The following TTLL1 variants were observed in gnomAD, a reference collection of about 807,000 sequenced individuals.
The protein encoded by TTLL1 is TTL family tubulin polyglutamylase complex subunit L1.
A neutral mutation model predicts 47.8 loss-of-function variants in TTLL1; 33 were observed. The ratio of observed to expected loss-of-function variants is 0.69; its 90% confidence interval spans 0.52 to 0.92. The LOEUF is 0.92. Among genes scored for constraint, TTLL1 ranks in the 40% least tolerant of loss-of-function variants. TTLL1 has a pLI of 0.00. For missense variants in TTLL1, 488 were observed against 547.5 expected, an observed-to-expected ratio of 0.89 and a Z score of 1.08; for synonymous variants, 225 against 214.1, an observed-to-expected ratio of 1.05 and a Z score of -0.45.
chr22:43,060,734 T>C (rs1227823944), intron 7 of TTLL1, among the ~76,000 whole-genome samples: 1 of 152,214 alleles, frequency 6.6e-6, no homozygotes, highest in African/African-American at 2.4e-5. Context: ...ACAATGCTTA[T>C]CTTTGAAGGC....
Position 43,039,713 on chromosome 22 carries a change from C to T in TTLL1, c.*63G>A. ...AAAAAGCTCTACAAAAGGGAAATTT[C>T]AAAATAGGGCTTCAGCAGGGGCCCA... On this transcript the variant is annotated 3_prime_UTR_variant, in exon 11 of 11. Transcript: ENST00000266254. 1 of 1,491,430 alleles carries T rather than the reference C, an allele frequency of 6.7e-7. No individual in the cohort carries two copies. The highest frequency in any genetic ancestry group is 9.0e-7 in the Non-Finnish European group (1 of 1,117,146). 92.4% of individuals were successfully genotyped at this position (1,491,430 alleles called of 1,614,324 possible).
intron 8 of TTLL1, 27 bp from the exon 9 acceptor site, chr22:43,051,914 C>A: frequency 5.0e-6 from 8 of 1,609,322 alleles, no homozygotes; most frequent in Non-Finnish European, 6.8e-6. Context: ...CAGTGGGTGA[C>A]ATGGCCAGCA....
chr22:43,053,699 A>C (rs563528921), intron 8 of TTLL1, among the ~76,000 whole-genome samples: 1 of 152,288 alleles, frequency 6.6e-6, no homozygotes, highest in Admixed American at 6.5e-5. Flanking sequence ...AGGTGATGAA[A>C]TATTTGCTAA....
At chr22:43,064,468 G>A (rs868357969) in intron 5 of TTLL1, 144 bp from the exon 6 acceptor site, 22 of 937,532 alleles carry the variant, frequency 2.3e-5, no homozygotes, top group Admixed American at 3.0e-5. Context: ...GCTCACGCCT[G>A]TAATCCCAGC....
intron 4 of TTLL1, among the ~76,000 whole-genome samples, chr22:43,069,087 T>G (rs12170503): frequency 2.6e-5 from 4 of 151,804 alleles, no homozygotes; most frequent in Non-Finnish European, 4.4e-5. Context: ...TTACACAAAG[T>G]CCATGCTGGC....
rs545491714 is a variant in TTLL1 at position 43,054,820 on chromosome 22, G to A, written c.892-2933C>T. On this transcript the variant is annotated intron_variant, in intron 8 of 10. Transcript: ENST00000266254. ...GGCTCACTGCAAGCTCCGCCTCCCGGGTTCACGCCATTCTCCTGCCTCAGC... is the reference window on the plus strand; with the variant it reads ...GGCTCACTGCAAGCTCCGCCTCCCGAGTTCACGCCATTCTCCTGCCTCAGC... Among the ~76,000 whole-genome samples the A allele has an allele frequency of 2.7e-4, 40 of 149,558 alleles. 2 individuals carry two copies. The South Asian group carries it at 6.9e-3, about 26-fold the overall frequency.
chr22:43,072,724 C>T (rs1286577189), intron 3 of TTLL1, among the ~76,000 whole-genome samples: 2 of 152,098 alleles, frequency 1.3e-5, no homozygotes, highest in African/African-American at 2.4e-5. Context: ...TGTCTGCCTC[C>T]ACCTCCCAAA....
rs1379559298 is a variant in TTLL1, at chr22:43,089,352, C to G, written c.-165G>C. On this transcript the variant is annotated 5_prime_UTR_variant, in exon 1 of 11. Coordinates refer to ENST00000266254, the MANE Select transcript of TTLL1 (RefSeq NM_012263.5). ...CTCGAGCCGCGCCCTCGCCCCGCCT[C>G]CAGCCCCTCTCCGGCGCTCGCAGGA... The G allele has an allele frequency of 6.6e-6, 1 of 152,536 alleles. No individual in the cohort carries two copies. Among genetic ancestry groups the G allele is most frequent in the African/African-American group, 2.4e-5 (1 of 41,440 alleles). 9.4% of individuals were successfully genotyped at this position (152,536 alleles called of 1,614,324 possible). A position where few individuals can be genotyped will look rare whatever the true frequency, so the allele number is the denominator to read the frequency against.
chr22:43,069,747 G>GGT lies in TTLL1; in HGVS notation c.210_211insAC (p.Leu71ThrfsTer2), dbSNP rs1191245254. On this transcript the variant is annotated frameshift_variant, in exon 4 of 11. Coordinates refer to ENST00000266254, the MANE Select transcript of TTLL1 (RefSeq NM_012263.5). LOFTEE classifies it high-confidence loss of function. ...TTCACCATCAGGTCCTTCCGGGTCA[G>GGT]TTCATAGTGGTTTGGAAAATGGTTG... The GGT allele has an allele frequency of 6.2e-7, 1 of 1,614,184 alleles. No individual in the cohort carries two copies. The highest frequency in any genetic ancestry group is 1.1e-5 in the South Asian group (1 of 91,084).
intron 2 of TTLL1, among the ~76,000 whole-genome samples, chr22:43,076,056 C>T (rs62231650): frequency 0.01 from 1,575 of 152,294 alleles, 15 homozygotes; most frequent in Non-Finnish European, 0.017. Context: ...ACCCTCGGGC[C>T]GACTTCCGAT....
intron 3 of TTLL1, among the ~76,000 whole-genome samples, chr22:43,073,868 T>TTC (rs1928301300): frequency 1.3e-5 from 2 of 150,808 alleles, no homozygotes; most frequent in Admixed American, 1.3e-4. Flanking sequence ...GTCACCCAGG[T>TTC]TGGAGTGCAG....
intron 2 of TTLL1, among the ~76,000 whole-genome samples, chr22:43,077,291 C>T (rs533780563): frequency 1.6e-4 from 24 of 152,232 alleles, no homozygotes; most frequent in Non-Finnish European, 2.8e-4. Context: ...CCACAGGCCT[C>T]GCACACACTG....
intron 5 of TTLL1, among the ~76,000 whole-genome samples, chr22:43,067,598 C>CA (rs1404614281): frequency 6.6e-6 from 1 of 152,148 alleles, no homozygotes; most frequent in Non-Finnish European, 1.5e-5. Flanking sequence ...AAGACAACCA[C>CA]AGAACCCCAC....
rs1927271980 is a variant in TTLL1 at position 43,059,633 on chromosome 22, G to C, written c.748-106C>G. On this transcript the variant is annotated intron_variant, in intron 7 of 10. Coordinates refer to ENST00000266254, the MANE Select transcript of TTLL1 (RefSeq NM_012263.5). ...ATTTCTGGAGTGCCCCCTGGGTGTG[G>C]GCATCCAGCAACAAGGCAAACATCC... is the stretch of plus-strand genomic sequence containing the variant. 1.2e-5 allele frequency: 16 copies of C among 1,380,492 alleles called. No homozygotes were observed. The South Asian group carries it at 2.2e-4, about 19-fold the overall frequency. The allele number at this position is 1,380,492 out of a possible 1,614,324, so 85.5% of individuals were successfully genotyped here.
Position 43,068,665 on chromosome 22 carries a change from G to A in TTLL1, c.323-75C>T, listed in dbSNP as rs984602024. 3 of 1,324,504 alleles carry A rather than the reference G, an allele frequency of 2.3e-6. No homozygotes were observed. In the African/African-American group the frequency reaches 4.4e-5, roughly 20 times the overall value. 82.0% of individuals were successfully genotyped at this position (1,324,504 alleles called of 1,614,324 possible). The stretch of plus-strand genomic sequence containing the variant: ...CCATGAACAGAAAGATCTTGCCCTT[G>A]CCTTTCCAGGGCCTGTGGGCTGAGT... On this transcript the variant is annotated intron_variant, in intron 4 of 10. Transcript: ENST00000266254.
intron 10 of TTLL1, among the ~76,000 whole-genome samples, chr22:43,044,602 T>C (rs1299110375): frequency 6.6e-6 from 1 of 152,210 alleles, no homozygotes; most frequent in East Asian, 1.9e-4. Context: ...CTAACACACC[T>C]ACTCCTCCGC....
At chr22:43,043,069 TAGCTGG>T (rs1261104658) in intron 10 of TTLL1, among the ~76,000 whole-genome samples, 1 of 151,486 alleles carries the variant, frequency 6.6e-6, no homozygotes, top group Non-Finnish European at 1.5e-5. Context: ...GCCTCCCAAG[TAGCTGG>T]GATTACAGGT....
chr22:43,078,572 G>A (rs1032024341), intron 2 of TTLL1, among the ~76,000 whole-genome samples: 1 of 152,004 alleles, frequency 6.6e-6, no homozygotes, highest in Non-Finnish European at 1.5e-5. Context: ...CGGGTGCCCT[G>A]ATTCAAAGCC....
At chr22:43,045,204 T>C (rs997854976) in intron 10 of TTLL1, among the ~76,000 whole-genome samples, 1 of 152,134 alleles carries the variant, frequency 6.6e-6, no homozygotes, top group Non-Finnish European at 1.5e-5. Context: ...GCAGAATGAA[T>C]GAACCATACT....
Sources: allele counts gnomAD v4.1 joint callset (sites outside exome capture counted in the v4.1 genomes callset), GRCh38; gene constraint gnomAD v4.1.1; transcripts MANE v1.5; gene names NCBI Gene and HGNC (gene_info 2026-07-23, HGNC 2026-07-21).